The following KIF26B variants were observed in gnomAD, a reference collection of about 807,000 sequenced individuals.
KIF26B encodes the protein kinesin family member 26B.
Under a neutral mutation model 151.2 loss-of-function variants are expected in KIF26B, and 63 were observed. The observed-to-expected ratio is 0.42, with a 90% confidence interval of 0.34 to 0.51. The LOEUF (loss-of-function observed/expected upper bound fraction) is 0.51. Ranked by LOEUF, KIF26B falls within the 20% of genes least tolerant of loss-of-function variation. The pLI is 0.07. For missense variants in KIF26B, 2,813 were observed against 2,913.6 expected (o/e 0.97, Z 0.79); for synonymous variants, 1,357 against 1,262.1 (o/e 1.08, Z -1.59).
intron 2 of KIF26B, among the ~76,000 whole-genome samples, chr1:245,168,370 G>C (rs1668650181): frequency 1.3e-5 from 2 of 152,314 alleles, no homozygotes; most frequent in African/African-American, 4.8e-5. Flanking sequence ...TTGGAATTCG[G>C]ATCATAAACT....
rs114052316 is a variant in KIF26B, at chr1:245,516,773, G to A, written c.1167-23994G>A. 0.017 allele frequency among the ~76,000 whole-genome samples: 2,592 copies of A among 152,186 alleles called. 80 individuals are homozygous for A. Among genetic ancestry groups the A allele is most frequent in the African/African-American group, 0.058 (2,415 of 41,518 alleles). On this transcript the variant is annotated intron_variant, in intron 4 of 14. Coordinates refer to ENST00000407071, the MANE Select transcript of KIF26B (RefSeq NM_018012.4). This position sits in a 1 kb window ranked among gnomAD's most constrained non-coding sequence, Gnocchi z 4.2. ...TGTAAGCTCCTTGCTTAAGTAATAC[G>A]CTCCTTGACGGCCAAAACTGTCATT...
chr1:245,598,479 A>C (rs961443210), intron 5 of KIF26B, among the ~76,000 whole-genome samples: 4 of 152,162 alleles, frequency 2.6e-5, no homozygotes, highest in Non-Finnish European at 4.4e-5. Context: ...AGCCTCCTAC[A>C]TGTGCACCAT....
At chr1:245,443,764 TC>T (rs1659178551) in intron 4 of KIF26B, among the ~76,000 whole-genome samples, 1 of 93,102 alleles carries the variant, frequency 1.1e-5, no homozygotes, top group Non-Finnish European at 2.3e-5. Context: ...AGAGGTCATC[TC>T]CCTCACTGTT....
chr1:245,364,674 C>A (rs1293233133), intron 2 of KIF26B, among the ~76,000 whole-genome samples: 1 of 152,080 alleles, frequency 6.6e-6, no homozygotes, highest in Non-Finnish European at 1.5e-5. Flanking sequence ...CCTGCCTCGG[C>A]CTCCCAAAGT....
chr1:245,453,078 C>A (rs2103053869), intron 4 of KIF26B, among the ~76,000 whole-genome samples: 1 of 152,232 alleles, frequency 6.6e-6, no homozygotes, highest in Admixed American at 6.5e-5. Flanking sequence ...TATTTGGGTT[C>A]TTTACCTATT....
At chr1:245,294,567 G>A (rs946496002) in intron 2 of KIF26B, among the ~76,000 whole-genome samples, 1 of 152,138 alleles carries the variant, frequency 6.6e-6, no homozygotes, top group Non-Finnish European at 1.5e-5. Flanking sequence ...CTAAATGGTT[G>A]AATTTCTTTT....
chr1:245,322,165 T>G lies in KIF26B; in HGVS notation c.466-44669T>G, dbSNP rs535680116. Among the ~76,000 whole-genome samples the G allele has an allele frequency of 8.2e-4, 124 of 151,738 alleles. 1 individual carries two copies. Among genetic ancestry groups the G allele is most frequent in the Non-Finnish European group, 7.1e-4 (48 of 67,992 alleles). On this transcript the variant is annotated intron_variant, in intron 2 of 14. Transcript: ENST00000407071. ...CATGTTCTCGCTCATAAGTAGGAGT[T>G]GAACAATGAGAACACATGGACACAG...
intron 3 of KIF26B, among the ~76,000 whole-genome samples, chr1:245,397,735 A>C (rs1673882606): frequency 6.6e-6 from 1 of 152,234 alleles, no homozygotes; most frequent in African/African-American, 2.4e-5. Context: ...GAAGGGGAAC[A>C]TGCCAGTGTC....
intron 4 of KIF26B, among the ~76,000 whole-genome samples, chr1:245,482,939 C>T (rs1044850055): frequency 6.6e-6 from 1 of 151,786 alleles, no homozygotes; most frequent in African/African-American, 2.4e-5. Context: ...GGCAATACCA[C>T]ATTTCATCAA....
chr1:245,336,969 G>A (rs1386539788), intron 2 of KIF26B, among the ~76,000 whole-genome samples: 3 of 152,252 alleles, frequency 2.0e-5, no homozygotes, highest in Non-Finnish European at 1.5e-5. Context: ...AGTCGGCTGG[G>A]CCTCCTGTCT....
chr1:245,205,296 C>CACA (rs1456673105), intron 2 of KIF26B, among the ~76,000 whole-genome samples: 1 of 152,112 alleles, frequency 6.6e-6, no homozygotes, highest in Non-Finnish European at 1.5e-5. Context: ...TTATTCTAAG[C>CACA]ACACTATATG....
intron 10 of KIF26B, among the ~76,000 whole-genome samples, chr1:245,647,418 C>G (rs182779674): frequency 9.6e-6 from 1 of 104,670 alleles, no homozygotes; most frequent in Admixed American, 1.1e-4. Context: ...GAGCGAGACT[C>G]CTTCTCAAAA....
At chr1:245,621,262 T>A (rs538918438) in intron 9 of KIF26B, among the ~76,000 whole-genome samples, 13 of 152,292 alleles carry the variant, frequency 8.5e-5, no homozygotes, top group African/African-American at 3.1e-4. Flanking sequence ...TAGCTTCGGA[T>A]TTTCATCTTA....
chr1:245,367,649 A>G lies in KIF26B; in HGVS notation c.999+282A>G, dbSNP rs1329439997. On this transcript the variant is annotated intron_variant, in intron 3 of 14. Coordinates refer to ENST00000407071, the MANE Select transcript of KIF26B (RefSeq NM_018012.4). The surrounding 1 kb of genome is among the most constrained non-coding windows in gnomAD (Gnocchi z 4.2). ...TTGTGTAAGAGGTCCTTGCTGGTCC[A>G]GGTGATGCCAGCGACTTCCCAGCCA... Among the ~76,000 whole-genome samples the G allele has an allele frequency of 2.6e-5, 4 of 152,178 alleles. No homozygotes were observed. Among genetic ancestry groups the G allele is most frequent in the East Asian group, 1.9e-4 (1 of 5,186 alleles).
rs551404928 is a variant in KIF26B at position 245,707,647 on chromosome 1, G to C, written c.*5041G>C. The C allele has an allele frequency of 3.3e-5, 5 of 152,336 alleles. 1 individual carries two copies. The South Asian group carries it at 1.0e-3, about 32-fold the overall frequency. The allele number at this position is 152,336 out of a possible 1,614,324, so 9.4% of individuals were successfully genotyped here. On this transcript the variant is annotated 3_prime_UTR_variant, in exon 15 of 15. Coordinates refer to ENST00000407071, the MANE Select transcript of KIF26B (RefSeq NM_018012.4). Reference sequence around the variant, plus strand: ...GTCTGTTAGTGGAAACATGGGCTGGGGGATGGGGAGAGGACAGATAAAGCA... The same window carrying C: ...GTCTGTTAGTGGAAACATGGGCTGGCGGATGGGGAGAGGACAGATAAAGCA...
intron 4 of KIF26B, among the ~76,000 whole-genome samples, chr1:245,428,365 C>T (rs565375544): frequency 6.6e-6 from 1 of 152,266 alleles, no homozygotes; most frequent in African/African-American, 2.4e-5. Context: ...TTAGTGCCAT[C>T]CGATTTCAAG....
chr1:245,666,996 T>G (rs1219143429), intron 10 of KIF26B, among the ~76,000 whole-genome samples: 1 of 151,996 alleles, frequency 6.6e-6, no homozygotes, highest in Non-Finnish European at 1.5e-5. Flanking sequence ...CTGATGGTAA[T>G]GTTGGTGTAA....
chr1:245,477,215 T>A (rs1307273079), intron 4 of KIF26B, among the ~76,000 whole-genome samples: 1 of 152,004 alleles, frequency 6.6e-6, no homozygotes, highest in African/African-American at 2.4e-5. Flanking sequence ...CTTTTCTAAA[T>A]AAAAAACACT....
intron 3 of KIF26B, 74 bp from the exon 4 acceptor site, chr1:245,419,505 A>T: frequency 7.0e-7 from 1 of 1,419,116 alleles, no homozygotes; most frequent in South Asian, 1.4e-5. Context: ...TCCCCCAAAT[A>T]GAGAGATGCT....
Sources: gnomAD v4.1 joint callset for allele counts (sites outside exome capture counted in the v4.1 genomes callset) on GRCh38, gnomAD v4.1.1 for gene constraint, Gnocchi (gnomAD v3.1) non-coding constraint, MANE v1.5 for transcripts, NCBI Gene and HGNC (gene_info 2026-07-23, HGNC 2026-07-21) for gene names.